The following CSMD3 variants were observed in gnomAD, a reference collection of about 807,000 sequenced individuals.
CSMD3 encodes CUB and sushi domain-containing protein 3.
A neutral mutation model predicts 435.2 loss-of-function variants in CSMD3; 177 were observed. The ratio of observed to expected loss-of-function variants is 0.41; its 90% CI spans 0.36 to 0.46. The LOEUF (loss-of-function observed/expected upper bound fraction) is 0.46. Ranked by LOEUF, CSMD3 falls within the 20% of genes least tolerant of loss-of-function variation. The pLI is 0.34. For missense variants in CSMD3, 4,265 were observed against 4,504.6 expected (o/e 0.95, Z 1.52); for synonymous variants, 1,656 against 1,520.5 (o/e 1.09, Z -2.07).
intron 1 of CSMD3, among the ~76,000 whole-genome samples, chr8:113,381,194 C>G (rs1658150836): frequency 6.6e-6 from 1 of 151,986 alleles, no homozygotes; most frequent in Non-Finnish European, 1.5e-5. Flanking sequence ...TTCCCAGGTG[C>G]AAGTGGAAAG....
chr8:112,922,618 G>T (rs2082780422), intron 9 of CSMD3, among the ~76,000 whole-genome samples: 1 of 151,840 alleles, frequency 6.6e-6, no homozygotes, highest in African/African-American at 2.4e-5. Context: ...AGGTAAGTGA[G>T]AACATGTGAT....
At position 112,228,845 on chromosome 8, in the gene CSMD3, A is replaced by G; in HGVS notation, c.10875T>C (p.Gly3625=). The G allele has an allele frequency of 6.3e-7, 1 of 1,591,532 alleles. No homozygotes were observed. Among genetic ancestry groups the G allele is most frequent in the Non-Finnish European group, 8.6e-7 (1 of 1,160,278 alleles). ...EGSNSSNQPH[G]TNSSSVAIAI... ...CAATGGCTACAGAACTACTATTTGTACCATGAGGTTGATTTGAAGAATTTG... is the reference window on the plus strand; with the variant it reads ...CAATGGCTACAGAACTACTATTTGTGCCATGAGGTTGATTTGAAGAATTTG... Residue 3625 remains glycine (G), a synonymous_variant, in exon 70 of 71, where the codon GGT becomes GGC. Transcript: ENST00000297405.
At chr8:113,321,868 A>C (rs1314447461) in intron 1 of CSMD3, among the ~76,000 whole-genome samples, 1 of 152,220 alleles carries the variant, frequency 6.6e-6, no homozygotes, top group African/African-American at 2.4e-5. Flanking sequence ...CTACATACTC[A>C]TAAGAAGAAC....
At chr8:112,905,339 C>CAT (rs1168579958) in intron 10 of CSMD3, among the ~76,000 whole-genome samples, 2 of 150,350 alleles carry the variant, frequency 1.3e-5, no homozygotes, top group East Asian at 4.0e-4. Context: ...CACACACACA[C>CAT]ATATATATCA....
intron 5 of CSMD3, among the ~76,000 whole-genome samples, chr8:113,021,931 T>C (rs556631922): frequency 2.0e-5 from 3 of 152,236 alleles, no homozygotes; most frequent in South Asian, 2.1e-4. Flanking sequence ...GCCAAGAAAC[T>C]GAACTAGAAA....
rs1263873160 is a variant in CSMD3 at position 112,265,004 on chromosome 8, C to T, written c.9688+407G>A. 2.0e-5 allele frequency among the ~76,000 whole-genome samples: 3 copies of T among 151,794 alleles called. No homozygotes were observed. The South Asian group carries it at 6.2e-4, about 31-fold the overall frequency. Reference sequence around the variant, plus strand: ...AAAATTACGGTTCTATAATTCAGGCCGGCTCTTCCCAAATTATAGAAAGAA... The same window carrying T: ...AAAATTACGGTTCTATAATTCAGGCTGGCTCTTCCCAAATTATAGAAAGAA... On this transcript the variant is annotated intron_variant, in intron 60 of 70. Coordinates refer to ENST00000297405, the MANE Select transcript of CSMD3 (RefSeq NM_198123.2).
At chr8:112,275,524 G>C (rs567026745) in intron 59 of CSMD3, among the ~76,000 whole-genome samples, 1 of 152,040 alleles carries the variant, frequency 6.6e-6, no homozygotes, top group African/African-American at 2.4e-5. Context: ...TCCAGCCTGG[G>C]CAACAAGAGC....
chr8:112,713,448 T>C (rs549049351), intron 13 of CSMD3, among the ~76,000 whole-genome samples: 8 of 150,940 alleles, frequency 5.3e-5, no homozygotes, highest in African/African-American at 1.7e-4. Flanking sequence ...AACCTACTAT[T>C]GATCAGAGAG....
chr8:112,591,848 C>G (rs1055029992), intron 22 of CSMD3, among the ~76,000 whole-genome samples: 2 of 151,854 alleles, frequency 1.3e-5, no homozygotes, highest in African/African-American at 4.8e-5. Flanking sequence ...TTTTTATCAG[C>G]TATTTTAGCC....
intron 2 of CSMD3, among the ~76,000 whole-genome samples, chr8:113,284,845 C>A (rs1025670859): frequency 1.8e-4 from 27 of 152,146 alleles, no homozygotes; most frequent in African/African-American, 6.5e-4. Context: ...GATGAAATTG[C>A]ATAGTGAATG....
At chr8:112,360,751 A>G (rs2131113300) in intron 38 of CSMD3, among the ~76,000 whole-genome samples, 1 of 152,090 alleles carries the variant, frequency 6.6e-6, no homozygotes, top group African/African-American at 2.4e-5. Context: ...TTTCTAGATG[A>G]TATTGAATTG....
At position 112,352,651 on chromosome 8, in the gene CSMD3, A is replaced by T. The variant is rs531836698; in HGVS notation, c.6137-117T>A. On this transcript the variant is annotated intron_variant, in intron 38 of 70. Coordinates refer to ENST00000297405, the MANE Select transcript of CSMD3 (RefSeq NM_198123.2). ...TCTCATCAAACTAGATACTATATTG[A>T]GACGTTGAGAACGTTCTGTGAACAA... The T allele has an allele frequency of 5.7e-6, 5 of 877,682 alleles. No individual in the cohort carries two copies. In the South Asian group the frequency reaches 6.7e-5, roughly 12 times the overall value. The allele number at this position is 877,682 out of a possible 1,614,324, so 54.4% of individuals were successfully genotyped here. A position where few individuals can be genotyped will look rare whatever the true frequency, so the allele number is the denominator to read the frequency against.
chr8:112,921,005 A>G (rs971602463), intron 10 of CSMD3, among the ~76,000 whole-genome samples: 46 of 134,510 alleles, frequency 3.4e-4, no homozygotes, highest in East Asian at 9.9e-4. Context: ...GCGCACACAC[A>G]CACACACACA....
chr8:113,217,487 A>T (rs184027733), intron 3 of CSMD3, among the ~76,000 whole-genome samples: 29 of 151,888 alleles, frequency 1.9e-4, no homozygotes, highest in Admixed American at 1.8e-3. Flanking sequence ...ATAATTAGTT[A>T]ACAAATAATG....
chr8:112,324,177 T>C (rs1428302671), intron 45 of CSMD3, among the ~76,000 whole-genome samples: 1 of 152,032 alleles, frequency 6.6e-6, no homozygotes, highest in Non-Finnish European at 1.5e-5. Context: ...GTCTGCTATA[T>C]ACAGCTGAAC....
intron 16 of CSMD3, among the ~76,000 whole-genome samples, chr8:112,680,786 A>G (rs1043807824): frequency 1.3e-5 from 2 of 152,220 alleles, no homozygotes; most frequent in Non-Finnish European, 2.9e-5. Flanking sequence ...AAAATGTTCA[A>G]TCCAATGAAA....
intron 9 of CSMD3, among the ~76,000 whole-genome samples, chr8:112,931,844 A>T (rs1161829691): frequency 6.6e-6 from 1 of 152,184 alleles, no homozygotes; most frequent in Non-Finnish European, 1.5e-5. Context: ...TATATGAAAA[A>T]TGTTCAACAT....
At chr8:113,378,350 A>T (rs1050804135) in intron 1 of CSMD3, among the ~76,000 whole-genome samples, 1 of 152,176 alleles carries the variant, frequency 6.6e-6, no homozygotes, top group African/African-American at 2.4e-5. Flanking sequence ...AATGAAACAA[A>T]CTTATGCAAA....
intron 38 of CSMD3, among the ~76,000 whole-genome samples, chr8:112,370,082 A>AAGAAGT (rs1285510394): frequency 0.013 from 1,297 of 100,962 alleles, 22 homozygotes; most frequent in Non-Finnish European, 0.016. Flanking sequence ...GAAGAAGAAG[A>AAGAAGT]AGTAGTAGTA....
Sources: allele counts gnomAD v4.1 joint callset (sites outside exome capture counted in the v4.1 genomes callset), GRCh38; gene constraint gnomAD v4.1.1; transcripts MANE v1.5; gene names NCBI Gene and HGNC (gene_info 2026-07-23, HGNC 2026-07-21).